Variants in TPRA1 observed in about 807,000 individuals in gnomAD.
TPRA1 encodes the protein transmembrane protein adipocyte-associated 1.
A neutral mutation model predicts 40.1 loss-of-function variants in TPRA1; 28 were observed. That is an observed-to-expected ratio of 0.70 (90% confidence interval 0.52 to 0.96). The LOEUF (loss-of-function observed/expected upper bound fraction) is 0.96. Ranked by LOEUF, TPRA1 falls within the 40% of genes least tolerant of loss-of-function variation. The pLI, the probability that TPRA1 is intolerant of heterozygous loss-of-function variation, is 0.00. For missense variants in TPRA1, 441 were observed against 482.6 expected (o/e 0.91, Z 0.81); for synonymous variants, 219 against 209.7 (o/e 1.04, Z -0.38).
chr3:127,585,400 C>T (rs2073969669), intron 1 of TPRA1, among the ~76,000 whole-genome samples: 1 of 152,188 alleles, frequency 6.6e-6, no homozygotes, highest in East Asian at 1.9e-4. Context: ...TAAGTGCAAC[C>T]AGAAGGGTGT....
Position 127,576,924 on chromosome 3 carries a change from G to GGACCAGCATCCCCAGCCCA in TPRA1, c.345+47_346-32dup, listed in dbSNP as rs760815281. The stretch of plus-strand genomic sequence containing the variant: ...CGCAGAGTGGGCACAGCGTCAGCCT[G>GGACCAGCATCCCCAGCCCA]GACCAGCATCCCCAGCCCACCCCAG... On this transcript the variant is annotated intron_variant, in intron 4 of 10. Coordinates refer to ENST00000355552, the MANE Select transcript of TPRA1 (RefSeq NM_001136053.4). This position sits in a 1 kb window ranked among gnomAD's most constrained non-coding sequence, Gnocchi z 4.6. The GGACCAGCATCCCCAGCCCA allele has an allele frequency of 4.3e-6, 7 of 1,613,484 alleles. No individual in the cohort carries two copies. The highest frequency in any genetic ancestry group is 5.9e-6 in the Non-Finnish European group (7 of 1,179,950).
At chr3:127,583,257 G>A (rs1247325819) in intron 1 of TPRA1, among the ~76,000 whole-genome samples, 2 of 151,390 alleles carry the variant, frequency 1.3e-5, no homozygotes, top group African/African-American at 2.4e-5. Context: ...AGGTTGCGGT[G>A]AGCTGAGATC....
chr3:127,598,133 T>C, exon 1 of TPRA1: 1 of 441,764 alleles, frequency 2.3e-6, no homozygotes, highest in Non-Finnish European at 4.2e-6. Flanking sequence ...AAAATGGCCC[T>C]GGTGTGACCG....
rs1428296172 is a variant in TPRA1 at position 127,576,594 on chromosome 3, C to G, written c.498+23G>C. ...CCTGGTGCCCTGACTCCTAGCGTCC[C>G]CTGCCCACACTCACCCTCTTACCTG... On this transcript the variant is annotated intron_variant, in intron 6 of 10. Coordinates refer to ENST00000355552, the MANE Select transcript of TPRA1 (RefSeq NM_001136053.4). The surrounding 1 kb of genome is among the most constrained non-coding windows in gnomAD (Gnocchi z 4.6). 2.6e-6 allele frequency: 4 copies of G among 1,567,292 alleles called. No homozygotes were observed. In the Admixed American group the frequency reaches 7.2e-5, roughly 28 times the overall value.
At position 127,580,024 on chromosome 3, in the gene TPRA1, G is replaced by C; in HGVS notation, c.123C>G (p.Ser41=). The change falls in exon 2 of 11, where the codon TCC becomes TCG. Residue 41 remains serine, a splice_region_variant and synonymous_variant. Transcript: ENST00000355552. ...GCCCAGCGTTGTGACTGCCTCACCT[G>C]GAGGTGCCAATGTCTTCGTAGAGCA... The part of the protein sequence containing the change: ...LLLLYEDIGT[S]RVRYWDLLLL... The C allele has an allele frequency of 6.2e-7, 1 of 1,613,566 alleles. No homozygotes were observed. Among genetic ancestry groups the C allele is most frequent in the South Asian group, 1.1e-5 (1 of 91,084 alleles).
In TPRA1 at chr3:127,576,543, T is replaced by C. The variant is rs1462943144; in HGVS notation, c.498+74A>G. On this transcript the variant is annotated intron_variant, in intron 6 of 10. Transcript: ENST00000355552. This position sits in a 1 kb window ranked among gnomAD's most constrained non-coding sequence, Gnocchi z 4.6. Reference sequence around the variant, plus strand: ...CTGAAGGTGATAAAGACTGGAAACCTGACCCAGACCCAGAAGCAGTGGGTG... The same window carrying C: ...CTGAAGGTGATAAAGACTGGAAACCCGACCCAGACCCAGAAGCAGTGGGTG... 7.8e-5 allele frequency: 112 copies of C among 1,429,572 alleles called. No individual in the cohort carries two copies. The highest frequency in any genetic ancestry group is 1.0e-4 in the Non-Finnish European group (107 of 1,055,036). The allele number at this position is 1,429,572 out of a possible 1,614,324, so 88.6% of individuals were successfully genotyped here.
rs765174190 is a variant in TPRA1, at chr3:127,576,906, T to G, written c.346-13A>C. 1 of 1,613,376 alleles carries G rather than the reference T, an allele frequency of 6.2e-7. No homozygotes were observed. Among genetic ancestry groups the G allele is most frequent in the South Asian group, 1.1e-5 (1 of 91,066 alleles). The stretch of plus-strand genomic sequence containing the variant: ...TCTCCCACAGGATCTGCACGCAGAG[T>G]GGGCACAGCGTCAGCCTGGACCAGC... On this transcript the variant is annotated splice_polypyrimidine_tract_variant and intron_variant, in intron 4 of 10. Coordinates refer to ENST00000355552, the MANE Select transcript of TPRA1 (RefSeq NM_001136053.4). This position sits in a 1 kb window ranked among gnomAD's most constrained non-coding sequence, Gnocchi z 4.6.
chr3:127,591,151 C>A (rs1217861047), upstream of TPRA1: 7 of 152,110 alleles, frequency 4.6e-5, no homozygotes, highest in Non-Finnish European at 8.8e-5. Flanking sequence ...GCGCTTCGGG[C>A]GCCCTGCAGG....
intron 1 of TPRA1, among the ~76,000 whole-genome samples, chr3:127,581,424 G>GC (rs1443770263): frequency 6.6e-6 from 1 of 152,204 alleles, no homozygotes; most frequent in Non-Finnish European, 1.5e-5. Context: ...GGGCCGACAG[G>GC]CGTATGATCC....
chr3:127,579,026 C>T (rs1052526729), intron 3 of TPRA1, among the ~76,000 whole-genome samples: 1 of 151,204 alleles, frequency 6.6e-6, no homozygotes, highest in African/African-American at 2.5e-5. Flanking sequence ...CAGCCCACAC[C>T]TGAAGCCCAC....
upstream of TPRA1, among the ~76,000 whole-genome samples, chr3:127,592,575 CG>C (rs1448645888): frequency 6.6e-6 from 1 of 151,294 alleles, no homozygotes; most frequent in African/African-American, 2.4e-5. Context: ...TTAGTAGAGA[CG>C]GGGTTTCACC....
At position 127,573,777 on chromosome 3, in the gene TPRA1, T is replaced by C. The variant is rs769303150; in HGVS notation, c.866A>G (p.Lys289Arg). Residue 289 changes from lysine to arginine, a missense_variant, in exon 11 of 11, where the codon AAG becomes AGG. By Grantham distance (26) the Lys-to-Arg change is conservative. Transcript: ENST00000355552. The part of the protein sequence containing the change: ...FLRGFFGSEP[K>R]ILFSYKCQVD... The stretch of plus-strand genomic sequence containing the variant: ...TTGGCATTTGTAGGAGAAGAGGATC[T>C]TGGGCTCCGAGCTGATAAAAGGAAA... The C allele has an allele frequency of 5.1e-6, 8 of 1,573,380 alleles. No homozygotes were observed. Among genetic ancestry groups the C allele is most frequent in the Admixed American group, 1.8e-5 (1 of 56,046 alleles).
In TPRA1 at chr3:127,576,986, G is replaced by T. The variant is rs568051394; in HGVS notation, c.345+4C>A. On this transcript the variant is annotated splice_donor_region_variant and intron_variant, in intron 4 of 10. Transcript: ENST00000355552. This position sits in a 1 kb window ranked among gnomAD's most constrained non-coding sequence, Gnocchi z 4.6. Reference sequence around the variant, plus strand: ...CTGGCCTCCCTCAGAGGGCCCAGCCGCACCTTATCAGCAACAGTTGCAGCG... The same window carrying T: ...CTGGCCTCCCTCAGAGGGCCCAGCCTCACCTTATCAGCAACAGTTGCAGCG... 6.2e-7 allele frequency: 1 copy of T among 1,613,748 alleles called. No homozygotes were observed. Among genetic ancestry groups the T allele is most frequent in the South Asian group, 1.1e-5 (1 of 91,076 alleles).
Position 127,580,039 on chromosome 3 carries a change from T to A in TPRA1, c.108A>T (p.Glu36Asp). 1 of 1,613,736 alleles carries A rather than the reference T, an allele frequency of 6.2e-7. No homozygotes were observed. The highest frequency in any genetic ancestry group is 8.5e-7 in the Non-Finnish European group (1 of 1,180,006). The change falls in exon 2 of 11, where the codon GAA (glutamate) becomes GAT (aspartate). Residue 36 changes from glutamate to aspartate, a missense_variant. Glu to Asp is a conservative substitution (Grantham distance 45, BLOSUM62 2). Transcript: ENST00000355552. ...VPHRCLLLLYEDIGTSRVRYW... is the reference protein window; with the variant it reads ...VPHRCLLLLYDDIGTSRVRYW... ...TGCCTCACCTGGAGGTGCCAATGTC[T>A]TCGTAGAGCAGCAGCAGGCAGCGAT...
rs1039927171 is a variant in TPRA1 at position 127,572,579 on chromosome 3, C to T, written c.*942G>A. 2.6e-5 allele frequency among the ~76,000 whole-genome samples: 4 copies of T among 152,192 alleles called. No homozygotes were observed. The highest frequency in any genetic ancestry group is 9.7e-5 in the African/African-American group (4 of 41,448). ...GTCCCCGAGTCCTGTCTGCTGGGGG[C>T]CTACTATGTGCCAAGCACTATTCTT... is the stretch of plus-strand genomic sequence containing the variant. On this transcript the variant is annotated 3_prime_UTR_variant, in exon 11 of 11. Coordinates refer to ENST00000355552, the MANE Select transcript of TPRA1 (RefSeq NM_001136053.4).
In TPRA1 at chr3:127,572,887, G is replaced by GGGCAGC. The variant is rs1330852512; in HGVS notation, c.*628_*633dup. ...CCTACTCAGATGGGCCCAGGGGCAG[G>GGGCAGC]GGCAGCGGCAGCTGGGATCCTGTTT... On this transcript the variant is annotated 3_prime_UTR_variant, in exon 11 of 11. Coordinates refer to ENST00000355552, the MANE Select transcript of TPRA1 (RefSeq NM_001136053.4). Among the ~76,000 whole-genome samples the GGGCAGC allele has an allele frequency of 6.6e-6, 1 of 152,130 alleles. No individual in the cohort carries two copies. Among genetic ancestry groups the GGGCAGC allele is most frequent in the Non-Finnish European group, 1.5e-5 (1 of 68,026 alleles).
intron 1 of TPRA1, among the ~76,000 whole-genome samples, chr3:127,586,076 G>T (rs2073991384): frequency 6.6e-6 from 1 of 152,194 alleles, no homozygotes; most frequent in African/African-American, 2.4e-5. Context: ...TCTGCTCCTG[G>T]CCAGCAGTTG....
At position 127,576,282 on chromosome 3, in the gene TPRA1, G is replaced by A. The variant is rs568628705; in HGVS notation, c.499-232C>T. On this transcript the variant is annotated intron_variant, in intron 6 of 10. Transcript: ENST00000355552. The surrounding 1 kb of genome is among the most constrained non-coding windows in gnomAD (Gnocchi z 4.6). Reference sequence around the variant, plus strand: ...TGAGTCACATGGGGAAGGGGGCAGAGATGGACAAGGTGCAGTCCCTGCCCC... The same window carrying A: ...TGAGTCACATGGGGAAGGGGGCAGAAATGGACAAGGTGCAGTCCCTGCCCC... Among the ~76,000 whole-genome samples the A allele has an allele frequency of 2.0e-5, 3 of 152,334 alleles. No homozygotes were observed. The highest frequency in any genetic ancestry group is 4.1e-4 in the South Asian group (2 of 4,828).
At chr3:127,586,553 T>G (rs1387746125) in intron 1 of TPRA1, among the ~76,000 whole-genome samples, 1 of 152,196 alleles carries the variant, frequency 6.6e-6, no homozygotes, top group East Asian at 1.9e-4. Flanking sequence ...GAGACAGGGT[T>G]TTGCCATGTT....
Sources: gnomAD v4.1 joint callset for allele counts (sites outside exome capture counted in the v4.1 genomes callset) on GRCh38, gnomAD v4.1.1 for gene constraint, Gnocchi (gnomAD v3.1) non-coding constraint, MANE v1.5 for transcripts, NCBI Gene and HGNC (gene_info 2026-07-23, HGNC 2026-07-21) for gene names.